Variants in CRK observed in about 807,000 individuals in gnomAD.
CRK encodes adapter molecule crk.
CRK carries 4 observed loss-of-function variants against 29.8 expected under a neutral mutation model. The observed-to-expected ratio is 0.13, with a 90% confidence interval of 0.07 to 0.31. CRK has a LOEUF of 0.31. CRK is among the 10% of genes least tolerant of loss of function. The pLI, the probability that CRK is intolerant of heterozygous loss-of-function variation, is 1.00. For missense variants in CRK, 274 were observed against 396.5 expected, an observed-to-expected ratio of 0.69 and a Z score of 2.62; for synonymous variants, 153 against 164.9, an observed-to-expected ratio of 0.93 and a Z score of 0.55.
chr17:1,430,060 T>A (rs903405136), intron 2 of CRK, among the ~76,000 whole-genome samples: 4 of 151,642 alleles, frequency 2.6e-5, no homozygotes, highest in African/African-American at 7.3e-5. Flanking sequence ...TTTTTTTTTT[T>A]AAAGACAGAG....
At chr17:1,433,051 G>A (rs1054395076) in intron 2 of CRK, among the ~76,000 whole-genome samples, 2 of 152,124 alleles carry the variant, frequency 1.3e-5, no homozygotes, top group Admixed American at 1.3e-4. Flanking sequence ...ACAAACACTG[G>A]CTATTCCCTA....
At chr17:1,438,751 T>C (rs993633487) in intron 1 of CRK, among the ~76,000 whole-genome samples, 54 of 152,190 alleles carry the variant, frequency 3.5e-4, no homozygotes, top group African/African-American at 1.3e-3. Context: ...TAGTTCAGAA[T>C]GGATTTATTC....
At chr17:1,428,521 C>CTTTTTTTTTTTTTTTTTTTTTT (rs754259440) in intron 2 of CRK, among the ~76,000 whole-genome samples, 1 of 111,198 alleles carries the variant, frequency 9.0e-6, no homozygotes, top group Non-Finnish European at 1.7e-5. Flanking sequence ...CATATCAGAT[C>CTTTTTTTTTTTTTTTTTTTTTT]TTTTTTTTTT....
At chr17:1,451,754 G>A (rs1182081511) in intron 1 of CRK, among the ~76,000 whole-genome samples, 4 of 151,572 alleles carry the variant, frequency 2.6e-5, no homozygotes, top group East Asian at 2.0e-4. Context: ...CGAGGTGGGC[G>A]GATCACCTGA....
At chr17:1,425,881 A>G (rs972445736) in intron 2 of CRK, among the ~76,000 whole-genome samples, 3 of 152,156 alleles carry the variant, frequency 2.0e-5, no homozygotes, top group African/African-American at 7.2e-5. Context: ...CACATAAGAC[A>G]CAGAGGTTGA....
chr17:1,425,569 C>T (rs2073770703), intron 2 of CRK, among the ~76,000 whole-genome samples: 2 of 152,172 alleles, frequency 1.3e-5, no homozygotes, highest in Non-Finnish European at 2.9e-5. Context: ...TAATTACAGG[C>T]ATGAGCCTCC....
In CRK at chr17:1,422,594, T is replaced by C. The variant is rs879545008; in HGVS notation, c.*919A>G. On this transcript the variant is annotated 3_prime_UTR_variant, in exon 3 of 3. Transcript: ENST00000300574. ...ACCTTCCACAGAATATCAGAGGTGATTGGTCCTTCCACTCTTGAGTAGAAC... is the reference window on the plus strand; with the variant it reads ...ACCTTCCACAGAATATCAGAGGTGACTGGTCCTTCCACTCTTGAGTAGAAC... 4.6e-6 allele frequency: 1 copy of C among 217,384 alleles called. No homozygotes were observed. The allele number at this position is 217,384 out of a possible 1,614,324, so 13.5% of individuals were successfully genotyped here. A position where few individuals can be genotyped will look rare whatever the true frequency, so the allele number is the denominator to read the frequency against.
intron 2 of CRK, among the ~76,000 whole-genome samples, chr17:1,431,401 T>C (rs2073843857): frequency 6.6e-6 from 1 of 152,042 alleles, no homozygotes; most frequent in Non-Finnish European, 1.5e-5. Flanking sequence ...CACTAAAGCA[T>C]AATTCCCAAA....
intron 2 of CRK, among the ~76,000 whole-genome samples, chr17:1,430,194 G>C (rs2073825713): frequency 6.6e-6 from 1 of 151,448 alleles, no homozygotes. Context: ...ACAGGCGTGT[G>C]CCCCCACGCC....
intron 1 of CRK, among the ~76,000 whole-genome samples, chr17:1,444,407 T>C (rs1229764355): frequency 3.9e-5 from 6 of 152,166 alleles, no homozygotes; most frequent in African/African-American, 1.2e-4. Context: ...TGCGCGCCTT[T>C]AGTCCCAGCT....
intron 1 of CRK, among the ~76,000 whole-genome samples, chr17:1,440,958 G>T (rs1219270602): frequency 6.6e-6 from 1 of 152,164 alleles, no homozygotes; most frequent in Non-Finnish European, 1.5e-5. Context: ...TTGTTGTCTT[G>T]TGACAGAGTG....
In CRK at chr17:1,437,102, C is replaced by G; in HGVS notation, c.295G>C (p.Ala99Pro). ...IGDQEFDSLPALLEFYKIHYL... is the reference protein window; with the variant it reads ...IGDQEFDSLPPLLEFYKIHYL... ...TGTATTTTGTAGAATTCCAGTAAAG[C>G]AGGCAATGAATCAAACTCTTGATCT... is the stretch of plus-strand genomic sequence containing the variant. The change falls in exon 2 of 3, where the codon GCT becomes CCT. Residue 99 changes from alanine to proline, a missense_variant. Physicochemically the swap from Ala to Pro is conservative, Grantham distance 27. Coordinates refer to ENST00000300574, the MANE Select transcript of CRK (RefSeq NM_016823.4). 6.2e-7 allele frequency: 1 copy of G among 1,613,938 alleles called. No individual in the cohort carries two copies.
At chr17:1,427,514 A>C (rs2073792654) in intron 2 of CRK, among the ~76,000 whole-genome samples, 1 of 151,182 alleles carries the variant, frequency 6.6e-6, no homozygotes, top group African/African-American at 2.4e-5. Context: ...AATGGTGTGA[A>C]CCCAGGAGGC....
At chr17:1,425,892 GA>G (rs977928690) in intron 2 of CRK, among the ~76,000 whole-genome samples, 4 of 152,110 alleles carry the variant, frequency 2.6e-5, no homozygotes, top group Non-Finnish European at 4.4e-5. Flanking sequence ...CAGAGGTTGA[GA>G]AAAAAATAGC....
chr17:1,444,001 A>ATT (rs1011472711), intron 1 of CRK, among the ~76,000 whole-genome samples: 3 of 139,496 alleles, frequency 2.2e-5, no homozygotes, highest in Non-Finnish European at 3.1e-5. Flanking sequence ...CGCCTGGCCT[A>ATT]TTTTTTTTTT....
intron 2 of CRK, among the ~76,000 whole-genome samples, chr17:1,435,534 C>T (rs960014849): frequency 1.3e-5 from 2 of 151,834 alleles, no homozygotes; most frequent in South Asian, 4.2e-4. Flanking sequence ...CAGATGTTAC[C>T]GTCATCTGAA....
Position 1,455,924 on chromosome 17 carries a change from C to A in CRK, c.194G>T (p.Ser65Ile), listed in dbSNP as rs897819678. ...CGGTGGCACCGGCGGGCGCGGGCCG[C>A]TGCTGTTGATGATGTAGTGGGAGAC... ...SRVSHYIINS[S>I]GPRPPVPPSP... The change falls in exon 1 of 3, where the codon AGC becomes ATC. Residue 65 changes from serine to isoleucine, a missense_variant. Physicochemically the swap from Ser to Ile is moderately radical, Grantham distance 142. This residue lies in a region of CRK where 135 missense variants were observed against 180.9 expected (regional missense o/e 0.75). Transcript: ENST00000300574. 2 of 1,591,256 alleles carry A rather than the reference C, an allele frequency of 1.3e-6. No individual in the cohort carries two copies. The highest frequency in any genetic ancestry group is 2.8e-5 in the African/African-American group (2 of 72,118).
intron 2 of CRK, among the ~76,000 whole-genome samples, chr17:1,430,172 G>A (rs924275339): frequency 2.0e-5 from 3 of 151,346 alleles, no homozygotes; most frequent in East Asian, 3.9e-4. Flanking sequence ...AGCCTCCCAC[G>A]TAGTTGGGAT....
chr17:1,452,786 G>C (rs1207671362), intron 1 of CRK, among the ~76,000 whole-genome samples: 1 of 150,638 alleles, frequency 6.6e-6, no homozygotes, highest in Non-Finnish European at 1.5e-5. Flanking sequence ...GTAAAAACTC[G>C]GTCTCAAAAA....
Sources: gnomAD v4.1 joint callset for allele counts (sites outside exome capture counted in the v4.1 genomes callset) on GRCh38, gnomAD v4.1.1 for gene constraint, gnomAD v4.1.1 regional missense constraint, MANE v1.5 for transcripts, NCBI Gene and HGNC (gene_info 2026-07-23, HGNC 2026-07-21) for gene names.